DNASE1: variants seen among roughly 807,000 people sequenced by gnomAD.
DNASE1 encodes the protein deoxyribonuclease-1.
Under a neutral mutation model 33.9 loss-of-function variants are expected in DNASE1, and 40 were observed. The observed-to-expected ratio is 1.18, with a 90% CI of 0.92 to 1.54. The LOEUF (loss-of-function observed/expected upper bound fraction) is 1.54, where lower values mean the gene tolerates loss of function less well. DNASE1 is among the 40% of genes most tolerant of loss of function. The pLI, the probability that DNASE1 is intolerant of heterozygous loss-of-function variation, is 0.00. For missense variants in DNASE1, 518 were observed against 372.6 expected, an observed-to-expected ratio of 1.39 and a Z score of -3.21; for synonymous variants, 216 against 160.0, an observed-to-expected ratio of 1.35 and a Z score of -2.64.
At chr16:3,664,675 C>T in exon 10 of DNASE1, 1 of 550,262 alleles carries the variant, frequency 1.8e-6, no homozygotes, top group Non-Finnish European at 3.1e-6. Flanking sequence ...GGAAGCACCT[C>T]CTGCCCCAGG....
chr16:3,614,547 T>C (rs965105824), intron 1 of DNASE1, among the ~76,000 whole-genome samples: 18 of 152,168 alleles, frequency 1.2e-4, no homozygotes, highest in African/African-American at 4.1e-4. Context: ...ATTTAAATAA[T>C]TCCATCACGC....
chr16:3,655,950 G>C lies in DNASE1; in HGVS notation c.236+13G>C. 1 of 1,613,626 alleles carries C rather than the reference G, an allele frequency of 6.2e-7. No homozygotes were observed. The highest frequency in any genetic ancestry group is 1.1e-5 in the South Asian group (1 of 91,078). On this transcript the variant is annotated intron_variant, in intron 3 of 8. Transcript: ENST00000246949. ...ACAACCTCAATCAGTGGGTGACAGT[G>C]GCAGGGTCATAGGAAGGTGACATCT...
intron 1 of DNASE1, among the ~76,000 whole-genome samples, chr16:3,643,906 G>A (rs1426679013): frequency 1.1e-4 from 16 of 151,962 alleles, no homozygotes; most frequent in Admixed American, 1.0e-3. Context: ...GACTACAGGC[G>A]CCCGCCATCA....
At chr16:3,647,684 T>C (rs1411198274) in intron 1 of DNASE1, among the ~76,000 whole-genome samples, 1 of 152,186 alleles carries the variant, frequency 6.6e-6, no homozygotes, top group African/African-American at 2.4e-5. Flanking sequence ...ACTTCATCTT[T>C]CAATATTTTA....
chr16:3,638,794 A>G (rs559945475), upstream of DNASE1, among the ~76,000 whole-genome samples: 18 of 152,260 alleles, frequency 1.2e-4, no homozygotes, highest in South Asian at 3.5e-3. Context: ...ATAGTGTCCA[A>G]TAATTTTTTC....
At chr16:3,619,502 C>T (rs1358874273) in intron 1 of DNASE1, among the ~76,000 whole-genome samples, 1 of 151,930 alleles carries the variant, frequency 6.6e-6, no homozygotes. Context: ...GCTGGGGCTA[C>T]AGGCTCCCGC....
intron 1 of DNASE1, among the ~76,000 whole-genome samples, chr16:3,619,418 G>C (rs1477766795): frequency 6.6e-6 from 1 of 151,686 alleles, no homozygotes; most frequent in Non-Finnish European, 1.5e-5. Context: ...CCGAAGTGCA[G>C]TGGTGTGATC....
exon 10 of DNASE1, chr16:3,663,706 T>A: frequency 1.0e-6 from 1 of 965,098 alleles, no homozygotes; most frequent in Non-Finnish European, 1.5e-6. Flanking sequence ...TAGGCCTGCA[T>A]GACAGTTACT....
chr16:3,662,847 G>A (rs767133683), downstream of DNASE1: 69 of 1,607,542 alleles, frequency 4.3e-5, 1 homozygote, highest in Admixed American at 2.2e-4. Context: ...GGGACACTGC[G>A]GCCAAGTGGT....
chr16:3,624,920 G>C (rs1427178476), intron 1 of DNASE1, among the ~76,000 whole-genome samples: 2 of 151,916 alleles, frequency 1.3e-5, no homozygotes, highest in Admixed American at 1.3e-4. Context: ...GGCTCGTCTC[G>C]AACTGGGCTC....
intron 1 of DNASE1, among the ~76,000 whole-genome samples, chr16:3,621,969 C>G (rs902953096): frequency 6.6e-6 from 1 of 152,140 alleles, no homozygotes; most frequent in African/African-American, 2.4e-5. Flanking sequence ...GCCTGTAATG[C>G]CAGTACTTTG....
upstream of DNASE1, among the ~76,000 whole-genome samples, chr16:3,640,509 T>C (rs961110619): frequency 2.6e-4 from 39 of 152,340 alleles, no homozygotes; most frequent in African/African-American, 9.1e-4. Context: ...TTGGAATCAC[T>C]GTCCTGCACT....
intron 1 of DNASE1, among the ~76,000 whole-genome samples, chr16:3,622,438 C>G (rs1012737397): frequency 6.6e-6 from 1 of 151,966 alleles, no homozygotes; most frequent in Non-Finnish European, 1.5e-5. Context: ...TACCTATGAC[C>G]TTATGTTTGT....
downstream of DNASE1, chr16:3,658,129 T>C (rs140188034): frequency 6.2e-7 from 1 of 1,613,778 alleles, no homozygotes; most frequent in Non-Finnish European, 8.5e-7. Flanking sequence ...CCCCTGGCTG[T>C]CAGTGTCGCT....
At chr16:3,635,183 C>A (rs538444045) in intron 1 of DNASE1, among the ~76,000 whole-genome samples, 1 of 151,962 alleles carries the variant, frequency 6.6e-6, no homozygotes, top group African/African-American at 2.4e-5. Flanking sequence ...GTAGACCGGG[C>A]GTGGTGGCTT....
In DNASE1 at chr16:3,657,309, C is replaced by CG. The variant is rs1252227613; in HGVS notation, c.672_673insG (p.Thr225AspfsTer10). On this transcript the variant is annotated frameshift_variant, in exon 7 of 9. Coordinates refer to ENST00000246949, the MANE Select transcript of DNASE1 (RefSeq NM_005223.4). LOFTEE classifies it high-confidence loss of function. The stretch of plus-strand genomic sequence containing the variant: ...GGCTGATCCCCGACAGCGCTGACAC[C>CG]ACAGCTACACCCACGCACTGTGCCT... 11 of 1,613,682 alleles carry CG rather than the reference C, an allele frequency of 6.8e-6. No homozygotes were observed. Among genetic ancestry groups the CG allele is most frequent in the Non-Finnish European group, 9.3e-6 (11 of 1,180,034 alleles).
In DNASE1 at chr16:3,622,117, G is replaced by C. The variant is rs934902750; in HGVS notation, c.-1359+10111G>C. On this transcript the variant is annotated intron_variant and NMD_transcript_variant, in intron 1 of 11. Transcript: ENST00000570769. ...CCCCTGTAATTCCAGCTACTCCAGA[G>C]ACTGAGGCAGGAGAATCGCTTGAAC... Among the ~76,000 whole-genome samples the C allele has an allele frequency of 2.7e-5, 4 of 150,290 alleles. No individual in the cohort carries two copies. In the East Asian group the frequency reaches 5.9e-4, roughly 22 times the overall value.
chr16:3,619,580 C>G (rs2041232768), intron 1 of DNASE1, among the ~76,000 whole-genome samples: 1 of 151,414 alleles, frequency 6.6e-6, no homozygotes, highest in African/African-American at 2.4e-5. Flanking sequence ...CCAGGATGGT[C>G]TCTATCTGCG....
chr16:3,624,540 G>A (rs549964084), intron 1 of DNASE1, among the ~76,000 whole-genome samples: 1 of 152,190 alleles, frequency 6.6e-6, no homozygotes, highest in Admixed American at 6.5e-5. Flanking sequence ...CCTGAATCTA[G>A]CAGCCACTGT....
Sources: gnomAD v4.1 joint callset for allele counts (sites outside exome capture counted in the v4.1 genomes callset) on GRCh38, gnomAD v4.1.1 for gene constraint, MANE v1.5 for transcripts, NCBI Gene and HGNC (gene_info 2026-07-23, HGNC 2026-07-21) for gene names.